The following BORCS8 variants were observed in gnomAD, a reference collection of about 807,000 sequenced individuals.
The protein encoded by BORCS8 is BLOC-1-related complex subunit 8.
A neutral mutation model predicts 18.7 loss-of-function variants in BORCS8; 13 were observed. That is an observed-to-expected ratio of 0.70 (90% CI 0.45 to 1.11). The LOEUF (loss-of-function observed/expected upper bound fraction) is 1.11. BORCS8 is among the 50% of genes least tolerant of loss of function. The pLI is 0.00. For missense variants in BORCS8, 165 were observed against 165.7 expected, an observed-to-expected ratio of 1.00 and a Z score of 0.02; for synonymous variants, 68 against 64.8, an observed-to-expected ratio of 1.05 and a Z score of -0.24.
At chr19:19,187,158 T>G in intron 1 of BORCS8, 153 bp from the exon 2 acceptor site, 1 of 605,482 alleles carries the variant, frequency 1.7e-6, no homozygotes, top group Non-Finnish European at 2.9e-6. Context: ...CTGGAGGAAG[T>G]GGTCACAGCA....
chr19:19,186,547 G>T (rs1459118991), intron 2 of BORCS8, among the ~76,000 whole-genome samples: 1 of 152,026 alleles, frequency 6.6e-6, no homozygotes, highest in Non-Finnish European at 1.5e-5. Flanking sequence ...TTTAATAAGG[G>T]GCCTCCCCCT....
intron 1 of BORCS8, among the ~76,000 whole-genome samples, chr19:19,191,101 C>A (rs2060467705): frequency 6.6e-6 from 1 of 151,906 alleles, no homozygotes; most frequent in Admixed American, 6.6e-5. Flanking sequence ...ACCTGTAATC[C>A]CAGCACTTTG....
Position 19,182,332 on chromosome 19 carries a change from G to C in BORCS8, c.326+241C>G. Reference sequence around the variant, plus strand: ...GTCTCCTTGTGAGCCTGTCTGTCTCGGTCACTGCTATGTCCCCAGTGCCCA... The same window carrying C: ...GTCTCCTTGTGAGCCTGTCTGTCTCCGTCACTGCTATGTCCCCAGTGCCCA... On this transcript the variant is annotated intron_variant, in intron 4 of 5. Transcript: ENST00000462790. This position sits in a 1 kb window ranked among gnomAD's most constrained non-coding sequence, Gnocchi z 4.1. 9.9e-7 allele frequency: 1 copy of C among 1,013,960 alleles called. No individual in the cohort carries two copies. The highest frequency in any genetic ancestry group is 1.3e-6 in the Non-Finnish European group (1 of 766,018). 62.8% of individuals were successfully genotyped at this position (1,013,960 alleles called of 1,614,324 possible). A position where few individuals can be genotyped will look rare whatever the true frequency, so the allele number is the denominator to read the frequency against.
At position 19,182,397 on chromosome 19, in the gene BORCS8, A is replaced by C; in HGVS notation, c.326+176T>G. 2 of 1,402,968 alleles carry C rather than the reference A, an allele frequency of 1.4e-6. No homozygotes were observed. Among genetic ancestry groups the C allele is most frequent in the East Asian group, 5.3e-5 (2 of 37,424 alleles). 86.9% of individuals were successfully genotyped at this position (1,402,968 alleles called of 1,614,324 possible). On this transcript the variant is annotated intron_variant, in intron 4 of 5. Transcript: ENST00000462790. The surrounding 1 kb of genome is among the most constrained non-coding windows in gnomAD (Gnocchi z 4.1). Reference sequence around the variant, plus strand: ...ACACAGCAGAGCGCAGGACCTCGGTATTAAGTGACTGAACTCAGGTTATAG... The same window carrying C: ...ACACAGCAGAGCGCAGGACCTCGGTCTTAAGTGACTGAACTCAGGTTATAG...
In BORCS8 at chr19:19,186,234, C is replaced by T; in HGVS notation, c.151-136G>A. 3.7e-6 allele frequency: 3 copies of T among 820,796 alleles called. No homozygotes were observed. The South Asian group carries it at 4.7e-5, about 13-fold the overall frequency. 50.8% of individuals were successfully genotyped at this position (820,796 alleles called of 1,614,324 possible). A position where few individuals can be genotyped will look rare whatever the true frequency, so the allele number is the denominator to read the frequency against. On this transcript the variant is annotated intron_variant, in intron 2 of 5. Transcript: ENST00000462790. ...ACCTTTCCTCCTGCAACTCCCTTCC[C>T]TCACAGGTCTGGGCTTTCTGTGAAC...
At chr19:19,190,691 G>A (rs943244983) in intron 1 of BORCS8, among the ~76,000 whole-genome samples, 3 of 152,160 alleles carry the variant, frequency 2.0e-5, no homozygotes, top group African/African-American at 4.8e-5. Flanking sequence ...GGGAGGCTGA[G>A]GCAGGAGAAA....
chr19:19,190,953 A>C (rs1156383030), intron 1 of BORCS8, among the ~76,000 whole-genome samples: 1 of 151,104 alleles, frequency 6.6e-6, no homozygotes, highest in Non-Finnish European at 1.5e-5. Flanking sequence ...AAAAAGCAAA[A>C]CTTCAATCTG....
chr19:19,190,799 A>C (rs180881204), intron 1 of BORCS8, among the ~76,000 whole-genome samples: 159 of 152,254 alleles, frequency 1.0e-3, no homozygotes, highest in African/African-American at 3.7e-3. Context: ...AAATAAAAAA[A>C]AAGAAGAAGA....
Position 19,191,142 on chromosome 19 carries a change from C to G in BORCS8, c.37+939G>C, listed in dbSNP as rs1366949543. 2.0e-5 allele frequency among the ~76,000 whole-genome samples: 3 copies of G among 152,004 alleles called. No individual in the cohort carries two copies. The East Asian group carries it at 5.8e-4, about 29-fold the overall frequency. ...CCAAGGTGGGTGGATCACTCGAGGT[C>G]AGGAGTTCGAGACTAGCCTGAGCAA... On this transcript the variant is annotated intron_variant, in intron 1 of 5. Coordinates refer to ENST00000462790, the MANE Select transcript of BORCS8 (RefSeq NM_001145784.2).
intron 1 of BORCS8, among the ~76,000 whole-genome samples, chr19:19,190,158 A>G (rs1326458728): frequency 6.6e-6 from 1 of 152,206 alleles, no homozygotes. Context: ...CTTGGCAGGC[A>G]TTTTGTTCCT....
chr19:19,191,812 C>T (rs1011745346), intron 1 of BORCS8, among the ~76,000 whole-genome samples: 9 of 152,164 alleles, frequency 5.9e-5, no homozygotes, highest in Non-Finnish European at 1.3e-4. Context: ...CTCAAGCGAT[C>T]CTCCCGCCTA....
chr19:19,192,017 C>T, intron 1 of BORCS8, 64 bp downstream of exon 1: 1 of 1,544,526 alleles, frequency 6.5e-7, no homozygotes, highest in Non-Finnish European at 8.8e-7. Context: ...CGCGCCCGGC[C>T]TTTGTCAGGC....
chr19:19,182,320 CCTGT>C lies in BORCS8; in HGVS notation c.326+249_326+252del, dbSNP rs2060357068. 3.4e-6 allele frequency: 3 copies of C among 890,532 alleles called. No individual in the cohort carries two copies. Among genetic ancestry groups the C allele is most frequent in the South Asian group, 5.7e-5 (2 of 35,014 alleles). 55.2% of individuals were successfully genotyped at this position (890,532 alleles called of 1,614,324 possible). On this transcript the variant is annotated intron_variant, in intron 4 of 5. Coordinates refer to ENST00000462790, the MANE Select transcript of BORCS8 (RefSeq NM_001145784.2). This position sits in a 1 kb window ranked among gnomAD's most constrained non-coding sequence, Gnocchi z 4.1. ...TGGTTGTCGTATGTCTCCTTGTGAG[CCTGT>C]CTGTCTCGGTCACTGCTATGTCCCC...
intron 1 of BORCS8, among the ~76,000 whole-genome samples, chr19:19,187,927 G>A (rs967269778): frequency 4.6e-5 from 7 of 151,446 alleles, no homozygotes; most frequent in Admixed American, 1.3e-4. Flanking sequence ...CTGCACCCTC[G>A]AAACTCCCAG....
chr19:19,184,300 CCTTT>C (rs1038948110), intron 3 of BORCS8, among the ~76,000 whole-genome samples: 10 of 120,650 alleles, frequency 8.3e-5, no homozygotes, highest in East Asian at 2.4e-4. Context: ...TTTTTTTTTT[CCTTT>C]CTTTTTTTTT....
intron 3 of BORCS8, among the ~76,000 whole-genome samples, chr19:19,185,261 C>G (rs2060394582): frequency 6.6e-6 from 1 of 152,198 alleles, no homozygotes; most frequent in Non-Finnish European, 1.5e-5. Flanking sequence ...ATGTCAGGTG[C>G]AAACAGCATG....
intron 4 of BORCS8, chr19:19,181,886 T>C (rs1237934208): frequency 1.1e-5 from 11 of 985,334 alleles, no homozygotes; most frequent in Non-Finnish European, 1.3e-5. Flanking sequence ...TGTGTGTTCA[T>C]AAGCGTGTTT....
intron 1 of BORCS8, among the ~76,000 whole-genome samples, chr19:19,191,285 G>A (rs2060471620): frequency 6.6e-6 from 1 of 151,444 alleles, no homozygotes; most frequent in Non-Finnish European, 1.5e-5. Flanking sequence ...ATCCCCCCAC[G>A]GCACTCCAGC....
rs556935745 is a variant in BORCS8 at position 19,182,771 on chromosome 19, G to A, written c.216-88C>T. ...GCACTTGAGGTCACCACCAGGGCTC[G>A]GTGGGTACCTCAGTGATTCTGCGGG... On this transcript the variant is annotated intron_variant, in intron 3 of 5. Coordinates refer to ENST00000462790, the MANE Select transcript of BORCS8 (RefSeq NM_001145784.2). The surrounding 1 kb of genome is among the most constrained non-coding windows in gnomAD (Gnocchi z 4.1). 1.3e-5 allele frequency: 19 copies of A among 1,443,368 alleles called. No individual in the cohort carries two copies. The Admixed American group carries it at 1.5e-4, about 11-fold the overall frequency. The allele number at this position is 1,443,368 out of a possible 1,614,324, so 89.4% of individuals were successfully genotyped here. A position where few individuals can be genotyped will look rare whatever the true frequency, so the allele number is the denominator to read the frequency against.
Sources: gnomAD v4.1 joint callset for allele counts (sites outside exome capture counted in the v4.1 genomes callset) on GRCh38, gnomAD v4.1.1 for gene constraint, Gnocchi (gnomAD v3.1) non-coding constraint, MANE v1.5 for transcripts, NCBI Gene and HGNC (gene_info 2026-07-23, HGNC 2026-07-21) for gene names.